KIAA0753: variants seen among roughly 807,000 people sequenced by gnomAD.
The protein encoded by KIAA0753 is KIAA0753.
Under a neutral mutation model 116.9 loss-of-function variants are expected in KIAA0753, and 114 were observed. The ratio of observed to expected loss-of-function variants is 0.98; its 90% CI spans 0.84 to 1.14. KIAA0753 has a LOEUF of 1.14. Ranked by LOEUF, KIAA0753 falls within the 50% of genes most tolerant of loss-of-function variation. The probability of loss-of-function intolerance (pLI) is 0.00; values close to 1 mark genes in which losing one functional copy is unlikely to be tolerated. For missense variants in KIAA0753, 1,156 were observed against 1,172.4 expected, an observed-to-expected ratio of 0.99 and a Z score of 0.20; for synonymous variants, 405 against 413.1, an observed-to-expected ratio of 0.98 and a Z score of 0.24.
intron 12 of KIAA0753, among the ~76,000 whole-genome samples, chr17:6,602,505 GC>G (rs1421439397): frequency 6.6e-6 from 1 of 152,204 alleles, no homozygotes; most frequent in East Asian, 1.9e-4. Context: ...AGCAAAAGAA[GC>G]CAGACACAAT....
chr17:6,636,596 C>T (rs4534905), intron 1 of KIAA0753, among the ~76,000 whole-genome samples: 61,986 of 151,734 alleles, frequency 0.41, 12,811 homozygotes, highest in Non-Finnish European at 0.43. Context: ...GCAATCTGGC[C>T]CTTTCCCACT....
chr17:6,580,604 C>T (rs1208398402), intron 18 of KIAA0753, among the ~76,000 whole-genome samples: 2 of 152,186 alleles, frequency 1.3e-5, no homozygotes, highest in South Asian at 2.1e-4. Flanking sequence ...GCATGAGCCA[C>T]TGTGCCCGGC....
In KIAA0753 at chr17:6,620,771, C is replaced by T; in HGVS notation, c.1315+17G>A. The T allele has an allele frequency of 6.2e-7, 1 of 1,607,664 alleles. No individual in the cohort carries two copies. Among genetic ancestry groups the T allele is most frequent in the South Asian group, 1.1e-5 (1 of 90,930 alleles). Reference sequence around the variant, plus strand: ...AATGAATAAAATGTCTTACAATAAACACTTTAAGACACATACCGGCAAGAA... The same window carrying T: ...AATGAATAAAATGTCTTACAATAAATACTTTAAGACACATACCGGCAAGAA... On this transcript the variant is annotated intron_variant, in intron 7 of 18. Coordinates refer to ENST00000361413, the MANE Select transcript of KIAA0753 (RefSeq NM_014804.3).
chr17:6,632,979 C>T (rs1348076281), intron 2 of KIAA0753, among the ~76,000 whole-genome samples: 4 of 152,140 alleles, frequency 2.6e-5, no homozygotes, highest in Admixed American at 6.6e-5. Context: ...ATAAAGGACA[C>T]TATTGGGACA....
At chr17:6,603,513 G>A (rs1280164435) in intron 12 of KIAA0753, among the ~76,000 whole-genome samples, 3 of 152,180 alleles carry the variant, frequency 2.0e-5, no homozygotes, top group Admixed American at 6.5e-5. Context: ...CTTCTGAAGA[G>A]GCTGAAAAAT....
chr17:6,610,812 A>C (rs1970491551), intron 8 of KIAA0753, among the ~76,000 whole-genome samples: 1 of 152,102 alleles, frequency 6.6e-6, no homozygotes, highest in African/African-American at 2.4e-5. Flanking sequence ...CTTAGGTCTA[A>C]ATAGAATGAA....
chr17:6,597,926 G>A (rs555359368), intron 14 of KIAA0753, among the ~76,000 whole-genome samples: 2 of 152,198 alleles, frequency 1.3e-5, no homozygotes, highest in Non-Finnish European at 2.9e-5. Context: ...TTTTCATTCA[G>A]TTCTTTGTAA....
At chr17:6,618,571 G>C (rs1971087545) in intron 7 of KIAA0753, among the ~76,000 whole-genome samples, 1 of 152,148 alleles carries the variant, frequency 6.6e-6, no homozygotes, top group East Asian at 1.9e-4. Context: ...AGAATTGTTT[G>C]GTGTGGCAAA....
intron 18 of KIAA0753, among the ~76,000 whole-genome samples, chr17:6,583,340 T>C (rs1968330908): frequency 6.6e-6 from 1 of 152,198 alleles, no homozygotes; most frequent in African/African-American, 2.4e-5. Flanking sequence ...GATTTCTTTT[T>C]ATTTTCCTTG....
In KIAA0753 at chr17:6,628,436, T is replaced by C; in HGVS notation, c.399A>G (p.Gly133=). ...GGTCGGGTATTTTATACTTAGTATG[T>C]CCACACTTCTGAGAGCTTTGAGGCT... ...RSQPQSSQKC[G]HTKYKIPDHR... is the part of the protein sequence containing the mutation. Residue 133 remains glycine (G), a synonymous_variant, in exon 3 of 19, where the codon GGA becomes GGG. Coordinates refer to ENST00000361413, the MANE Select transcript of KIAA0753 (RefSeq NM_014804.3). 6.2e-7 allele frequency: 1 copy of C among 1,614,212 alleles called. No individual in the cohort carries two copies. Among genetic ancestry groups the C allele is most frequent in the Non-Finnish European group, 8.5e-7 (1 of 1,180,026 alleles).
intron 1 of KIAA0753, chr17:6,635,778 C>G (rs1389251984): frequency 6.7e-6 from 1 of 150,312 alleles, no homozygotes; most frequent in Non-Finnish European, 1.5e-5. Flanking sequence ...ACTCGGTAAG[C>G]TATCAAGGGC....
At chr17:6,621,638 G>C (rs1971331324) in intron 6 of KIAA0753, among the ~76,000 whole-genome samples, 1 of 152,018 alleles carries the variant, frequency 6.6e-6, no homozygotes, top group African/African-American at 2.4e-5. Context: ...GGCCACAAGA[G>C]GAAAAATAAC....
In KIAA0753 at chr17:6,630,798, G is replaced by A. The variant is rs566225550; in HGVS notation, c.94-2057C>T. On this transcript the variant is annotated intron_variant, in intron 2 of 18. Coordinates refer to ENST00000361413, the MANE Select transcript of KIAA0753 (RefSeq NM_014804.3). Reference sequence around the variant, plus strand: ...TTCTATGAATTAATGTGGAGAGATTGGAATATATTGTTCAGCAGAAAGCAC... The same window carrying A: ...TTCTATGAATTAATGTGGAGAGATTAGAATATATTGTTCAGCAGAAAGCAC... Among the ~76,000 whole-genome samples, 6 of 152,202 alleles carry A rather than the reference G, an allele frequency of 3.9e-5. No homozygotes were observed. The South Asian group carries it at 1.2e-3, about 32-fold the overall frequency.
chr17:6,625,342 T>TTA (rs1971595155), intron 3 of KIAA0753, among the ~76,000 whole-genome samples: 1 of 152,160 alleles, frequency 6.6e-6, no homozygotes, highest in Non-Finnish European at 1.5e-5. Context: ...TCTTTGCTGT[T>TTA]TAATAGAGAA....
At chr17:6,630,082 A>G (rs1186908334) in intron 2 of KIAA0753, among the ~76,000 whole-genome samples, 1 of 152,200 alleles carries the variant, frequency 6.6e-6, no homozygotes, top group African/African-American at 2.4e-5. Context: ...AGACTAAGCC[A>G]CTGCACTCAA....
intron 18 of KIAA0753, among the ~76,000 whole-genome samples, chr17:6,586,226 A>G (rs1214611759): frequency 6.6e-6 from 1 of 152,140 alleles, no homozygotes; most frequent in Non-Finnish European, 1.5e-5. Flanking sequence ...CGAGAAGCCA[A>G]GCATATGCCA....
chr17:6,580,311 A>AGATACTCAT (rs1968051076), intron 18 of KIAA0753, among the ~76,000 whole-genome samples: 1 of 151,674 alleles, frequency 6.6e-6, no homozygotes, highest in South Asian at 2.1e-4. Context: ...AGAACAGCCA[A>AGATACTCAT]GATACTTTTT....
chr17:6,602,448 C>T (rs537392211), intron 12 of KIAA0753, among the ~76,000 whole-genome samples: 1 of 152,332 alleles, frequency 6.6e-6, no homozygotes, highest in South Asian at 2.1e-4. Flanking sequence ...AATGGATGAA[C>T]TATGCTGATA....
chr17:6,580,666 C>G (rs966859944), intron 18 of KIAA0753, among the ~76,000 whole-genome samples: 60 of 152,242 alleles, frequency 3.9e-4, no homozygotes, highest in African/African-American at 1.4e-3. Context: ...CTCTCCTAGA[C>G]AGAAGGATGG....
Sources: gnomAD v4.1 joint callset for allele counts (sites outside exome capture counted in the v4.1 genomes callset) on GRCh38, gnomAD v4.1.1 for gene constraint, MANE v1.5 for transcripts, NCBI Gene and HGNC (gene_info 2026-07-23, HGNC 2026-07-21) for gene names.